The following DLG2 variants were observed in gnomAD, a reference collection of about 807,000 sequenced individuals.
The protein encoded by DLG2 is discs large MAGUK scaffold protein 2.
Under a neutral mutation model 132.5 loss-of-function variants are expected in DLG2, and 45 were observed. The observed-to-expected ratio is 0.34, with a 90% CI of 0.27 to 0.44. The LOEUF (loss-of-function observed/expected upper bound fraction) is 0.44, where lower values mean the gene tolerates loss of function less well. Among genes scored for constraint, DLG2 ranks in the 20% least tolerant of loss-of-function variants. The pLI is 1.00. For missense variants in DLG2, 1,045 were observed against 1,196.9 expected (o/e 0.87, Z 1.87); for synonymous variants, 424 against 419.6 (o/e 1.01, Z -0.13).
intron 3 of DLG2, among the ~76,000 whole-genome samples, chr11:85,362,065 G>A (rs2084195885): frequency 6.6e-6 from 1 of 152,058 alleles, no homozygotes; most frequent in African/African-American, 2.4e-5. Context: ...GACCTCCCAG[G>A]CTCAAGTGAT....
At chr11:83,570,300 G>A (rs575427166) in intron 19 of DLG2, among the ~76,000 whole-genome samples, 22 of 152,170 alleles carry the variant, frequency 1.4e-4, no homozygotes, top group East Asian at 3.9e-4. Context: ...TATTATTAAC[G>A]TACAGAATAG....
intron 6 of DLG2, among the ~76,000 whole-genome samples, chr11:85,006,616 T>C (rs1336880333): frequency 6.6e-6 from 1 of 152,140 alleles, no homozygotes; most frequent in African/African-American, 2.4e-5. Flanking sequence ...TCTTCTCTCT[T>C]TTCTTCTTTA....
chr11:84,158,910 C>T (rs575038214), intron 9 of DLG2, among the ~76,000 whole-genome samples: 1 of 152,330 alleles, frequency 6.6e-6, no homozygotes, highest in South Asian at 2.1e-4. Flanking sequence ...ATATATGCTG[C>T]TCTAAACCTT....
intron 5 of DLG2, among the ~76,000 whole-genome samples, chr11:85,143,519 TA>T (rs1282952956): frequency 1.3e-5 from 2 of 151,808 alleles, no homozygotes; most frequent in South Asian, 2.1e-4. Flanking sequence ...AATGTATCAT[TA>T]GGTTATTTAT....
chr11:83,564,653 G>A (rs1232552242), intron 19 of DLG2, among the ~76,000 whole-genome samples: 1 of 152,160 alleles, frequency 6.6e-6, no homozygotes, highest in Non-Finnish European at 1.5e-5. Context: ...AAAGTTATAT[G>A]AGTGAATGAT....
At chr11:83,634,814 A>G (rs1232767108) in intron 18 of DLG2, among the ~76,000 whole-genome samples, 5 of 152,208 alleles carry the variant, frequency 3.3e-5, no homozygotes, top group Non-Finnish European at 7.3e-5. Context: ...TAAACTCTGA[A>G]TATTAAATAT....
chr11:84,066,045 C>T (rs1199936203), intron 10 of DLG2, among the ~76,000 whole-genome samples: 1 of 151,976 alleles, frequency 6.6e-6, no homozygotes, highest in Non-Finnish European at 1.5e-5. Flanking sequence ...AAGAGGGGAA[C>T]AACATTTACT....
chr11:85,088,258 A>G (rs2068250219), intron 6 of DLG2, among the ~76,000 whole-genome samples: 1 of 152,214 alleles, frequency 6.6e-6, no homozygotes, highest in African/African-American at 2.4e-5. Context: ...AAGCGACCTG[A>G]GCAATGGGAA....
intron 7 of DLG2, among the ~76,000 whole-genome samples, chr11:84,508,924 A>G (rs1440103537): frequency 6.6e-6 from 1 of 152,218 alleles, no homozygotes; most frequent in African/African-American, 2.4e-5. Flanking sequence ...TATGGACTAT[A>G]TGGACTTCTA....
At chr11:85,503,707 G>A (rs2093858579) in intron 3 of DLG2, among the ~76,000 whole-genome samples, 1 of 152,056 alleles carries the variant, frequency 6.6e-6, no homozygotes, top group South Asian at 2.1e-4. Flanking sequence ...TAAGGTGGGA[G>A]GACAGATTGA....
intron 8 of DLG2, among the ~76,000 whole-genome samples, chr11:84,221,975 T>A (rs981894429): frequency 2.6e-5 from 4 of 152,150 alleles, no homozygotes; most frequent in African/African-American, 9.7e-5. Flanking sequence ...AATATTAGCA[T>A]AATAATACTA....
At chr11:85,467,086 T>G (rs1010718288) in intron 3 of DLG2, among the ~76,000 whole-genome samples, 1 of 152,122 alleles carries the variant, frequency 6.6e-6, no homozygotes, top group African/African-American at 2.4e-5. Flanking sequence ...TGAATGGGAG[T>G]TCACTCATGA....
At position 84,439,596 on chromosome 11, in the gene DLG2, T is replaced by A. The variant is rs143564635; in HGVS notation, c.519+94974A>T. On this transcript the variant is annotated intron_variant, in intron 7 of 27. Coordinates refer to ENST00000376104, the MANE Select transcript of DLG2 (RefSeq NM_001142699.3). ...TATCCATATTATACCCTGTACTCTCTGGAGGAAAAGTGCCACAGAAATCCA... is the reference window on the plus strand; with the variant it reads ...TATCCATATTATACCCTGTACTCTCAGGAGGAAAAGTGCCACAGAAATCCA... Among the ~76,000 whole-genome samples the A allele has an allele frequency of 1.7e-3, 262 of 152,326 alleles. 1 individual carries two copies. Among genetic ancestry groups the A allele is most frequent in the African/African-American group, 6.2e-3 (256 of 41,582 alleles).
intron 7 of DLG2, among the ~76,000 whole-genome samples, chr11:84,355,872 T>C (rs2098608563): frequency 6.6e-6 from 1 of 152,090 alleles, no homozygotes; most frequent in South Asian, 2.1e-4. Context: ...TTGCATAGTG[T>C]CCAAATGTGT....
chr11:85,415,232 G>C (rs1386152383), intron 3 of DLG2, among the ~76,000 whole-genome samples: 2 of 152,120 alleles, frequency 1.3e-5, no homozygotes, highest in African/African-American at 4.8e-5. Context: ...GCATATATGT[G>C]CCACATTTTC....
intron 18 of DLG2, chr11:83,693,068 G>C (rs1251958120): frequency 6.6e-6 from 1 of 152,198 alleles, no homozygotes; most frequent in Non-Finnish European, 1.5e-5. Flanking sequence ...GACTTTCTGA[G>C]AAAGTAAATA....
chr11:83,910,101 T>A (rs374960327), intron 15 of DLG2, among the ~76,000 whole-genome samples: 60 of 152,190 alleles, frequency 3.9e-4, no homozygotes, highest in African/African-American at 1.3e-3. Context: ...CCCAGCAGAG[T>A]AAATCAACCA....
chr11:84,111,871 T>A (rs1005904113), intron 9 of DLG2, among the ~76,000 whole-genome samples: 2 of 152,206 alleles, frequency 1.3e-5, no homozygotes, highest in Non-Finnish European at 2.9e-5. Flanking sequence ...TTTACCAAGT[T>A]TTATTGATTC....
chr11:84,165,679 C>T (rs2095645158), intron 8 of DLG2, among the ~76,000 whole-genome samples: 1 of 152,096 alleles, frequency 6.6e-6, no homozygotes, highest in Non-Finnish European at 1.5e-5. Flanking sequence ...GCAGGCAGAT[C>T]ACAAAATCAG....
Sources: allele counts gnomAD v4.1 joint callset (sites outside exome capture counted in the v4.1 genomes callset), GRCh38; gene constraint gnomAD v4.1.1; transcripts MANE v1.5; gene names NCBI Gene and HGNC (gene_info 2026-07-23, HGNC 2026-07-21).